EML1: variants seen among roughly 807,000 people sequenced by gnomAD.
EML1 encodes EMAP like 1.
A neutral mutation model predicts 110.4 loss-of-function variants in EML1; 27 were observed. That is an observed-to-expected ratio of 0.24 (90% CI 0.18 to 0.34). The LOEUF (loss-of-function observed/expected upper bound fraction) is 0.34. EML1 is among the 10% of genes least tolerant of loss of function. The probability of loss-of-function intolerance (pLI) is 1.00; values close to 1 mark genes in which losing one functional copy is unlikely to be tolerated. For missense variants in EML1, 741 were observed against 1,030.9 expected (o/e 0.72, Z 3.85); for synonymous variants, 344 against 385.8 (o/e 0.89, Z 1.27).
At chr14:99,777,242 G>A (rs1464668978) in intron 1 of EML1, among the ~76,000 whole-genome samples, 8 of 149,706 alleles carry the variant, frequency 5.3e-5, no homozygotes, top group Non-Finnish European at 8.8e-5. Flanking sequence ...CAGACTGCAC[G>A]TACTTAAAAA....
chr14:99,822,614 T>C (rs1419642589), intron 1 of EML1, among the ~76,000 whole-genome samples: 2 of 152,176 alleles, frequency 1.3e-5, no homozygotes. Flanking sequence ...ACCCCCTCCA[T>C]CTCTCTCATT....
chr14:99,804,194 C>T (rs1188536951), intron 1 of EML1, among the ~76,000 whole-genome samples: 1 of 152,238 alleles, frequency 6.6e-6, no homozygotes, highest in South Asian at 2.1e-4. Flanking sequence ...TATAAAAATA[C>T]GTGTTCAGAT....
intron 1 of EML1, among the ~76,000 whole-genome samples, chr14:99,767,622 G>A (rs530111439): frequency 6.6e-6 from 1 of 152,180 alleles, no homozygotes; most frequent in African/African-American, 2.4e-5. Context: ...AAAAAAAAGA[G>A]GGGGATGGAG....
At chr14:99,787,680 G>C (rs1318966617) in intron 1 of EML1, among the ~76,000 whole-genome samples, 2 of 152,132 alleles carry the variant, frequency 1.3e-5, no homozygotes, top group East Asian at 3.8e-4. Context: ...TTTTCTCATA[G>C]TTCTGGAGGT....
chr14:99,795,447 C>T (rs2139668695), intron 1 of EML1, among the ~76,000 whole-genome samples: 1 of 152,204 alleles, frequency 6.6e-6, no homozygotes, highest in East Asian at 1.9e-4. Context: ...AAGTTCTCAG[C>T]TCTGTATTTG....
chr14:99,904,306 G>A (rs1029743150), intron 9 of EML1, among the ~76,000 whole-genome samples: 4 of 151,746 alleles, frequency 2.6e-5, no homozygotes, highest in South Asian at 2.1e-4. Context: ...TCAAACTTTC[G>A]ACAACTTGCT....
At chr14:99,740,321 G>A (rs1268220008) in intron 1 of EML1, among the ~76,000 whole-genome samples, 1 of 152,220 alleles carries the variant, frequency 6.6e-6, no homozygotes, top group Non-Finnish European at 1.5e-5. Context: ...GCCAGGTTAG[G>A]CCCCTCTTCC....
intron 1 of EML1, among the ~76,000 whole-genome samples, chr14:99,787,108 A>G (rs2057609111): frequency 6.6e-6 from 1 of 152,154 alleles, no homozygotes. Context: ...AGTGGGTTGG[A>G]GGCCGCAGAG....
intron 1 of EML1, among the ~76,000 whole-genome samples, chr14:99,801,416 C>G (rs2057876720): frequency 6.6e-6 from 1 of 152,048 alleles, no homozygotes; most frequent in African/African-American, 2.4e-5. Context: ...GAGATCGAGA[C>G]CATCCTGGCT....
At chr14:99,738,113 G>A (rs1048464594) in intron 1 of EML1, among the ~76,000 whole-genome samples, 1 of 152,230 alleles carries the variant, frequency 6.6e-6, no homozygotes, top group Non-Finnish European at 1.5e-5. Context: ...CTCTCCTGGG[G>A]CTGGCAGCCG....
intron 1 of EML1, among the ~76,000 whole-genome samples, chr14:99,830,822 A>G (rs1316774769): frequency 6.6e-6 from 1 of 152,168 alleles, no homozygotes; most frequent in Non-Finnish European, 1.5e-5. Flanking sequence ...AAGTGCTGGG[A>G]TTACAGGTAT....
chr14:99,775,440 T>C (rs1034060566), intron 1 of EML1, among the ~76,000 whole-genome samples: 7 of 151,866 alleles, frequency 4.6e-5, no homozygotes, highest in Non-Finnish European at 7.4e-5. Flanking sequence ...TGTGGAGCAG[T>C]GGGAAGGGAC....
chr14:99,832,057 CT>C (rs895997205), intron 1 of EML1, among the ~76,000 whole-genome samples: 16 of 152,270 alleles, frequency 1.1e-4, no homozygotes, highest in African/African-American at 3.9e-4. Context: ...CCCTGCCCCC[CT>C]CCACTCCAAC....
chr14:99,929,569 A>G (rs1263870031), intron 17 of EML1, among the ~76,000 whole-genome samples: 1 of 152,252 alleles, frequency 6.6e-6, no homozygotes, highest in East Asian at 1.9e-4. Flanking sequence ...ATAACTAACT[A>G]CAGTGCAACA....
chr14:99,766,126 T>C (rs1438393019), intron 1 of EML1, among the ~76,000 whole-genome samples: 1 of 151,786 alleles, frequency 6.6e-6, no homozygotes, highest in Non-Finnish European at 1.5e-5. Context: ...TCTGAGTCTC[T>C]GCTTTCTATT....
intron 8 of EML1, 62 bp downstream of exon 8, chr14:99,898,364 A>G (rs2059705694): frequency 6.6e-7 from 1 of 1,505,250 alleles, no homozygotes; most frequent in African/African-American, 1.4e-5. Context: ...AATTTTTAGA[A>G]AACATTGTGC....
At chr14:99,804,131 T>C (rs899599152) in intron 1 of EML1, among the ~76,000 whole-genome samples, 7 of 152,250 alleles carry the variant, frequency 4.6e-5, no homozygotes, top group Non-Finnish European at 1.0e-4. Flanking sequence ...TGGTGTGTCA[T>C]TTCTTTGCCT....
chr14:99,830,871 A>G (rs2058439098), intron 1 of EML1, among the ~76,000 whole-genome samples: 1 of 152,102 alleles, frequency 6.6e-6, no homozygotes, highest in Non-Finnish European at 1.5e-5. Flanking sequence ...TTCAAATAGT[A>G]CTCAAAGAAT....
intron 1 of EML1, among the ~76,000 whole-genome samples, chr14:99,830,030 T>C (rs78907318): frequency 0.016 from 2,441 of 152,346 alleles, 58 homozygotes; most frequent in African/African-American, 0.054. Flanking sequence ...TGCCGGATCA[T>C]ATGGTGATCC....
Sources: gnomAD v4.1 joint callset for allele counts (sites outside exome capture counted in the v4.1 genomes callset) on GRCh38, gnomAD v4.1.1 for gene constraint, MANE v1.5 for transcripts, NCBI Gene and HGNC (gene_info 2026-07-23, HGNC 2026-07-21) for gene names.